PDZRN4: variants seen among roughly 807,000 people sequenced by gnomAD.
PDZRN4 encodes PDZ domain containing ring finger 4.
PDZRN4 carries 70 observed loss-of-function variants against 99.0 expected under a neutral mutation model. That is an observed-to-expected ratio of 0.71 (90% confidence interval 0.58 to 0.86). The LOEUF is 0.86. Ranked by LOEUF, PDZRN4 falls within the 40% of genes least tolerant of loss-of-function variation. The pLI, the probability that PDZRN4 is intolerant of heterozygous loss-of-function variation, is 0.00. For synonymous variants in PDZRN4, 551 were observed against 501.6 expected (o/e 1.10, Z -1.32); for missense variants, 1,474 against 1,331.2 (o/e 1.11, Z -1.67).
At position 41,350,486 on chromosome 12, in the gene PDZRN4, C is replaced by A. The variant is rs1191867463; in HGVS notation, c.844-155970C>A. ...AGATGTCCTCAAGGATTCAAAATAA[C>A]TTTATTATTTATGAAATCTCTCAAA... is the stretch of plus-strand genomic sequence containing the variant. On this transcript the variant is annotated intron_variant, in intron 3 of 9. Coordinates refer to ENST00000402685, the MANE Select transcript of PDZRN4 (RefSeq NM_001164595.2). 2.6e-5 allele frequency among the ~76,000 whole-genome samples: 4 copies of A among 152,104 alleles called. No homozygotes were observed. The East Asian group carries it at 7.7e-4, about 29-fold the overall frequency.
rs532875549 is a variant in PDZRN4, at chr12:41,260,092, A to G, written c.843+65904A>G. Among the ~76,000 whole-genome samples the G allele has an allele frequency of 9.2e-5, 14 of 152,328 alleles. No individual in the cohort carries two copies. In the East Asian group the frequency reaches 2.5e-3, roughly 27 times the overall value. ...ATGAAAATAATCTAATGCATTTTCT[A>G]TCAAAAATACTGAAAGCAATTAAAT... On this transcript the variant is annotated intron_variant, in intron 3 of 9. Transcript: ENST00000402685.
At chr12:41,233,688 A>G (rs890415879) in intron 3 of PDZRN4, among the ~76,000 whole-genome samples, 4 of 152,178 alleles carry the variant, frequency 2.6e-5, no homozygotes, top group African/African-American at 7.2e-5. Flanking sequence ...TATTGCAAGG[A>G]CAAAAAACCA....
intron 3 of PDZRN4, among the ~76,000 whole-genome samples, chr12:41,426,568 T>C (rs1412867816): frequency 6.6e-6 from 1 of 152,226 alleles, no homozygotes; most frequent in Non-Finnish European, 1.5e-5. Flanking sequence ...CTCCATTCAA[T>C]TAACAGTGTG....
At chr12:41,447,191 C>T (rs1232412921) in intron 3 of PDZRN4, among the ~76,000 whole-genome samples, 1 of 152,078 alleles carries the variant, frequency 6.6e-6, no homozygotes, top group Non-Finnish European at 1.5e-5. Flanking sequence ...AGAGCTCAGC[C>T]ACGCTAACTT....
chr12:41,506,285 ACTTCAT>A (rs1938203732), intron 3 of PDZRN4, among the ~76,000 whole-genome samples, 165 bp from the exon 4 acceptor site: 1 of 151,594 alleles, frequency 6.6e-6, no homozygotes, highest in Non-Finnish European at 1.5e-5. Context: ...AATCTCAGGT[ACTTCAT>A]CATGTTGGTA....
At chr12:41,362,846 A>G (rs995011645) in intron 3 of PDZRN4, among the ~76,000 whole-genome samples, 1 of 152,142 alleles carries the variant, frequency 6.6e-6, no homozygotes, top group East Asian at 1.9e-4. Flanking sequence ...TACATTAATT[A>G]TGACTTTTAT....
At chr12:41,496,433 A>G (rs1938005498) in intron 3 of PDZRN4, among the ~76,000 whole-genome samples, 1 of 152,058 alleles carries the variant, frequency 6.6e-6, no homozygotes, top group African/African-American at 2.4e-5. Context: ...TTCCACATGA[A>G]GAAGTAGAGG....
chr12:41,241,260 T>A (rs952254283), intron 3 of PDZRN4, among the ~76,000 whole-genome samples: 1 of 152,204 alleles, frequency 6.6e-6, no homozygotes, highest in Non-Finnish European at 1.5e-5. Flanking sequence ...AATTCTGGAT[T>A]TTTGGATTAT....
intron 3 of PDZRN4, among the ~76,000 whole-genome samples, chr12:41,479,134 T>C (rs892237021): frequency 1.3e-5 from 2 of 152,214 alleles, no homozygotes; most frequent in African/African-American, 4.8e-5. Context: ...TAATGACTTT[T>C]ACCAATGACA....
At chr12:41,435,809 A>C (rs901919573) in intron 3 of PDZRN4, among the ~76,000 whole-genome samples, 1 of 152,154 alleles carries the variant, frequency 6.6e-6, no homozygotes, top group Non-Finnish European at 1.5e-5. Context: ...ATAAAATAAA[A>C]TAAAATACAG....
At chr12:41,360,898 A>G (rs1183372897) in intron 3 of PDZRN4, among the ~76,000 whole-genome samples, 1 of 151,978 alleles carries the variant, frequency 6.6e-6, no homozygotes, top group East Asian at 1.9e-4. Flanking sequence ...AGAGCAAAAA[A>G]TATCCCAAAA....
At chr12:41,559,121 T>C (rs902610887) in intron 7 of PDZRN4, among the ~76,000 whole-genome samples, 1 of 152,112 alleles carries the variant, frequency 6.6e-6, no homozygotes, top group African/African-American at 2.4e-5. Context: ...CTTTTCTTAA[T>C]GTAGCACACC....
chr12:41,571,145 C>A (rs1019049967), intron 9 of PDZRN4, among the ~76,000 whole-genome samples: 16 of 150,554 alleles, frequency 1.1e-4, no homozygotes, highest in Middle Eastern at 3.4e-3. Context: ...ATCTATCTAT[C>A]TATATATATA....
intron 3 of PDZRN4, among the ~76,000 whole-genome samples, chr12:41,356,831 G>C (rs1343874293): frequency 1.3e-5 from 2 of 151,846 alleles, no homozygotes; most frequent in Non-Finnish European, 2.9e-5. Context: ...AGTAACAAGT[G>C]GCATTCTGTT....
chr12:41,258,967 G>A (rs527571176), intron 3 of PDZRN4, among the ~76,000 whole-genome samples: 21 of 152,044 alleles, frequency 1.4e-4, no homozygotes, highest in African/African-American at 4.8e-4. Context: ...GTAGTACATG[G>A]CGGGGGGGCA....
intron 3 of PDZRN4, among the ~76,000 whole-genome samples, chr12:41,365,106 A>AT (rs1195152909): frequency 2.6e-5 from 4 of 151,930 alleles, no homozygotes; most frequent in African/African-American, 4.8e-5. Flanking sequence ...TAAGTTTCAG[A>AT]TTTTTTTCTC....
chr12:41,261,629 A>G (rs1951240676), intron 3 of PDZRN4, among the ~76,000 whole-genome samples: 1 of 152,116 alleles, frequency 6.6e-6, no homozygotes, highest in Admixed American at 6.5e-5. Flanking sequence ...AGCTGGGACT[A>G]CAGGCGTGCA....
At chr12:41,428,691 G>A (rs141625150) in intron 3 of PDZRN4, among the ~76,000 whole-genome samples, 1 of 152,288 alleles carries the variant, frequency 6.6e-6, no homozygotes, top group East Asian at 1.9e-4. Flanking sequence ...TGCGACCAGG[G>A]AATCAGGGGC....
At chr12:41,230,668 AT>A (rs1951022818) in intron 3 of PDZRN4, among the ~76,000 whole-genome samples, 1 of 152,124 alleles carries the variant, frequency 6.6e-6, no homozygotes, top group Non-Finnish European at 1.5e-5. Context: ...TAGATTCCAA[AT>A]AAAGTGTATT....
Sources: gnomAD v4.1 joint callset for allele counts (sites outside exome capture counted in the v4.1 genomes callset) on GRCh38, gnomAD v4.1.1 for gene constraint, MANE v1.5 for transcripts, NCBI Gene and HGNC (gene_info 2026-07-23, HGNC 2026-07-21) for gene names.